The following MTIF2 variants were observed in gnomAD, a reference collection of about 807,000 sequenced individuals.
The protein encoded by MTIF2 is translation initiation factor IF-2, mitochondrial.
A neutral mutation model predicts 83.5 loss-of-function variants in MTIF2; 71 were observed. The ratio of observed to expected loss-of-function variants is 0.85; its 90% confidence interval spans 0.70 to 1.04. The LOEUF (loss-of-function observed/expected upper bound fraction) is 1.04, where lower values mean the gene tolerates loss of function less well. Among genes scored for constraint, MTIF2 ranks in the 50% least tolerant of loss-of-function variants. MTIF2 has a pLI of 0.00. For missense variants in MTIF2, 957 were observed against 846.5 expected (o/e 1.13, Z -1.62); for synonymous variants, 319 against 287.1 (o/e 1.11, Z -1.12).
chr2:55,254,700 T>C lies in MTIF2; in HGVS notation c.457A>G (p.Lys153Glu), dbSNP rs1573895615. ...TKAGMKLKWSKLKQDKVRKNK... is the reference protein window; with the variant it reads ...TKAGMKLKWSELKQDKVRKNK... ...TTTCTGACTTTGTCCTGTTTTAATT[T>C]ACTCCACTTTAACTTCATCCCTGCC... is the stretch of plus-strand genomic sequence containing the variant. The change falls in exon 6 of 16, where the codon AAA (lysine) becomes GAA (glutamate). Residue 153 changes from lysine (K) to glutamate (E), a missense_variant. Lys to Glu is a moderately conservative substitution (Grantham distance 56). Around this residue, in one of 3 missense-constraint regions of MTIF2, gnomAD observed 733 missense variants for 648.7 expected, o/e 1.13. Coordinates refer to ENST00000263629, the MANE Select transcript of MTIF2 (RefSeq NM_002453.3). The C allele has an allele frequency of 5.0e-6, 8 of 1,609,108 alleles. No homozygotes were observed. In the East Asian group the frequency reaches 1.8e-4, roughly 36 times the overall value.
chr2:55,245,534 G>T (rs553396709), intron 10 of MTIF2, among the ~76,000 whole-genome samples: 1 of 152,146 alleles, frequency 6.6e-6, no homozygotes, highest in African/African-American at 2.4e-5. Flanking sequence ...CAAAAAGAAA[G>T]AAAGAAATAA....
chr2:55,252,000 A>C (rs1677130583), intron 8 of MTIF2, among the ~76,000 whole-genome samples: 1 of 152,208 alleles, frequency 6.6e-6, no homozygotes, highest in African/African-American at 2.4e-5. Flanking sequence ...AAGATGGTTA[A>C]GTGATTTTCC....
intron 5 of MTIF2, among the ~76,000 whole-genome samples, chr2:55,257,109 C>A (rs1573903576): frequency 6.6e-6 from 1 of 152,078 alleles, no homozygotes; most frequent in South Asian, 2.1e-4. Context: ...ATAAATGTAT[C>A]TGTGATGATA....
At chr2:55,237,649 C>CTTTTTTTTTTTT (rs536036933) in intron 14 of MTIF2, among the ~76,000 whole-genome samples, 19 of 112,986 alleles carry the variant, frequency 1.7e-4, no homozygotes, top group South Asian at 5.6e-4. Flanking sequence ...TTCTTTTTTT[C>CTTTTTTTTTTTT]TTTTTTTTTT....
intron 8 of MTIF2, 30 bp downstream of exon 8, chr2:55,252,447 A>G (rs372460578): frequency 6.2e-6 from 10 of 1,601,002 alleles, no homozygotes; most frequent in African/African-American, 1.3e-5. Flanking sequence ...GACTTTATGT[A>G]GTAGATCCAT....
chr2:55,261,599 C>T (rs1349703575), intron 5 of MTIF2, among the ~76,000 whole-genome samples: 2 of 151,586 alleles, frequency 1.3e-5, no homozygotes, highest in Admixed American at 6.6e-5. Flanking sequence ...GAGAGTGAAA[C>T]TCCATCTCAA....
In MTIF2 at chr2:55,243,844, T is replaced by C. The variant is rs144283589; in HGVS notation, c.1312-176A>G. ...TTGAGAGCTTGTATAATTGAAATGA[T>C]TTAAAAATCTTATCCCCACCCCCAA... On this transcript the variant is annotated intron_variant, in intron 11 of 15. Transcript: ENST00000263629. Among the ~76,000 whole-genome samples, 590 of 152,314 alleles carry C rather than the reference T, an allele frequency of 3.9e-3. 3 individuals carry two copies. Among genetic ancestry groups the C allele is most frequent in the Middle Eastern group, 0.031 (9 of 294 alleles).
rs1170663547 is a variant in MTIF2 at position 55,243,214 on chromosome 2, A to AT, written c.1565-135dup. The AT allele has an allele frequency of 2.1e-5, 22 of 1,067,140 alleles. No homozygotes were observed. The African/African-American group carries it at 3.2e-4, about 16-fold the overall frequency. The allele number at this position is 1,067,140 out of a possible 1,614,324, so 66.1% of individuals were successfully genotyped here. A position where few individuals can be genotyped will look rare whatever the true frequency, so the allele number is the denominator to read the frequency against. ...AAATCCACTTTTATTTAGGCTTAGC[A>AT]TTACACATATCTACTTGACTTAATA... is the stretch of plus-strand genomic sequence containing the variant. On this transcript the variant is annotated intron_variant, in intron 12 of 15. Transcript: ENST00000263629.
At chr2:55,250,865 C>G (rs557296543) in intron 8 of MTIF2, among the ~76,000 whole-genome samples, 1 of 151,992 alleles carries the variant, frequency 6.6e-6, no homozygotes, top group East Asian at 1.9e-4. Flanking sequence ...CCTGTAATCC[C>G]AGGACTTTGG....
chr2:55,252,974 C>T (rs931741705), intron 7 of MTIF2, among the ~76,000 whole-genome samples: 2 of 152,052 alleles, frequency 1.3e-5, no homozygotes, highest in African/African-American at 4.8e-5. Context: ...AGGCAGCCAC[C>T]CTCACATTAG....
chr2:55,266,390 G>A (rs1678428583), intron 3 of MTIF2: 1 of 151,822 alleles, frequency 6.6e-6, no homozygotes, highest in South Asian at 2.1e-4. Context: ...CCTGGGCGTG[G>A]TGGCACATGC....
intron 14 of MTIF2, 48 bp downstream of exon 14, chr2:55,239,963 A>G (rs1676178226): frequency 2.6e-6 from 4 of 1,521,540 alleles, no homozygotes; most frequent in East Asian, 2.3e-5. Flanking sequence ...TGCTATTTAT[A>G]GCACCTAATA....
intron 5 of MTIF2, among the ~76,000 whole-genome samples, chr2:55,258,093 G>C (rs1012667233): frequency 6.6e-6 from 1 of 152,158 alleles, no homozygotes; most frequent in Non-Finnish European, 1.5e-5. Flanking sequence ...CACCCAGCCA[G>C]TGAGTTTCTG....
chr2:55,255,748 G>A (rs74682349), intron 5 of MTIF2, among the ~76,000 whole-genome samples: 1,751 of 152,088 alleles, frequency 0.012, 40 homozygotes, highest in African/African-American at 0.04. Context: ...ACACTTGTTT[G>A]CAGTACGACA....
Position 55,237,368 on chromosome 2 carries a change from G to T in MTIF2, c.1931C>A (p.Ala644Asp). ...VTEGKKKVPV[A>D]GCRVQKGQLE... ...CTGTCCCTTTTGGACTCTGCAGCCA[G>T]CCACAGGAACTTTTTTCTTCCCTTC... The change falls in exon 15 of 16, where the codon GCT becomes GAT. Residue 644 changes from alanine (A) to aspartate (D), a missense_variant. This residue lies in a region of MTIF2 where 221 missense variants were observed against 180.6 expected (regional missense o/e 1.22). Coordinates refer to ENST00000263629, the MANE Select transcript of MTIF2 (RefSeq NM_002453.3). 1 of 1,612,880 alleles carries T rather than the reference G, an allele frequency of 6.2e-7. No individual in the cohort carries two copies. The highest frequency in any genetic ancestry group is 2.2e-5 in the East Asian group (1 of 44,848).
At chr2:55,253,222 C>A (rs1421528554) in intron 7 of MTIF2, among the ~76,000 whole-genome samples, 1 of 152,262 alleles carries the variant, frequency 6.6e-6, no homozygotes, top group East Asian at 1.9e-4. Context: ...ATAAGGTGCT[C>A]AGCACAGTAC....
rs943898410 is a variant in MTIF2 at position 55,243,159 on chromosome 2, A to G, written c.1565-79T>C. On this transcript the variant is annotated intron_variant, in intron 12 of 15. Transcript: ENST00000263629. ...ACATAAAAATGACAATAATCTATTTAAAGCCATGATAGGAATGTCATTTAT... is the reference window on the plus strand; with the variant it reads ...ACATAAAAATGACAATAATCTATTTGAAGCCATGATAGGAATGTCATTTAT... 11 of 1,394,946 alleles carry G rather than the reference A, an allele frequency of 7.9e-6. No individual in the cohort carries two copies. In the South Asian group the frequency reaches 1.6e-4, roughly 20 times the overall value. 86.4% of individuals were successfully genotyped at this position (1,394,946 alleles called of 1,614,324 possible). A position where few individuals can be genotyped will look rare whatever the true frequency, so the allele number is the denominator to read the frequency against.
chr2:55,256,828 C>T (rs1157373602), intron 5 of MTIF2, among the ~76,000 whole-genome samples: 2 of 152,038 alleles, frequency 1.3e-5, no homozygotes, highest in African/African-American at 2.4e-5. Flanking sequence ...CTGCCTCGGC[C>T]TCCGTTATAG....
At chr2:55,260,509 G>A (rs905139319) in intron 5 of MTIF2, among the ~76,000 whole-genome samples, 1 of 151,938 alleles carries the variant, frequency 6.6e-6, no homozygotes, top group Admixed American at 6.6e-5. Context: ...ACACATTGAA[G>A]TTTAGCATTG....
Sources: allele counts gnomAD v4.1 joint callset (sites outside exome capture counted in the v4.1 genomes callset), GRCh38; gene constraint gnomAD v4.1.1; regional missense constraint gnomAD v4.1.1; transcripts MANE v1.5; gene names NCBI Gene and HGNC (gene_info 2026-07-23, HGNC 2026-07-21).